Variants in OPCML observed in about 807,000 individuals in gnomAD.
OPCML encodes the protein opioid binding protein/cell adhesion molecule like, also known as opioid-binding protein/cell adhesion molecule.
A neutral mutation model predicts 37.8 loss-of-function variants in OPCML; 13 were observed. That is an observed-to-expected ratio of 0.34 (90% CI 0.22 to 0.55). The LOEUF is 0.55. Ranked by LOEUF, OPCML falls within the 20% of genes least tolerant of loss-of-function variation. The pLI, the probability that OPCML is intolerant of heterozygous loss-of-function variation, is 0.91. For missense variants in OPCML, 341 were observed against 435.6 expected (o/e 0.78, Z 1.93); for synonymous variants, 176 against 168.8 (o/e 1.04, Z -0.33).
At chr11:133,322,960 T>C (rs1943367942) in intron 1 of OPCML, among the ~76,000 whole-genome samples, 2 of 152,236 alleles carry the variant, frequency 1.3e-5, no homozygotes, top group Non-Finnish European at 2.9e-5. Context: ...AGACCTGGTA[T>C]ATACAAAATT....
At chr11:133,242,949 C>T (rs541863946) in intron 1 of OPCML, among the ~76,000 whole-genome samples, 1 of 152,166 alleles carries the variant, frequency 6.6e-6, no homozygotes, top group Admixed American at 6.5e-5. Flanking sequence ...ATAAGTCAAA[C>T]AAAATCAGGC....
At chr11:132,474,993 A>G (rs1565593386) in intron 4 of OPCML, among the ~76,000 whole-genome samples, 2 of 152,154 alleles carry the variant, frequency 1.3e-5, no homozygotes, top group Non-Finnish European at 2.9e-5. Context: ...CATTACTGGA[A>G]ATACTGCTCC....
At chr11:133,146,449 G>T (rs1398238550) in intron 1 of OPCML, among the ~76,000 whole-genome samples, 1 of 151,826 alleles carries the variant, frequency 6.6e-6, no homozygotes, top group Admixed American at 6.6e-5. Flanking sequence ...CGAGTAGCTG[G>T]GATTACAGGC....
chr11:133,129,984 A>G (rs959380246), intron 1 of OPCML, among the ~76,000 whole-genome samples: 5 of 152,132 alleles, frequency 3.3e-5, no homozygotes, highest in Non-Finnish European at 5.9e-5. Flanking sequence ...AGTCAATTAA[A>G]AAAAGCAAGA....
At chr11:133,431,071 C>T (rs141296309) in intron 1 of OPCML, among the ~76,000 whole-genome samples, 129 of 152,166 alleles carry the variant, frequency 8.5e-4, no homozygotes, top group African/African-American at 3.0e-3. Flanking sequence ...ACATCTGATG[C>T]TTAAAATTAA....
At chr11:132,752,487 C>G (rs2136072617) in intron 2 of OPCML, among the ~76,000 whole-genome samples, 1 of 152,022 alleles carries the variant, frequency 6.6e-6, no homozygotes, top group Middle Eastern at 3.4e-3. Flanking sequence ...TGTTGAGGAG[C>G]CTTGGAGAGA....
intron 1 of OPCML, among the ~76,000 whole-genome samples, chr11:133,176,664 T>C (rs1937605256): frequency 6.6e-6 from 1 of 152,198 alleles, no homozygotes; most frequent in African/African-American, 2.4e-5. Context: ...CTGCTAAGAT[T>C]ATAAGCTTCC....
chr11:132,927,078 T>C (rs1945020656), intron 2 of OPCML, among the ~76,000 whole-genome samples: 1 of 151,922 alleles, frequency 6.6e-6, no homozygotes, highest in African/African-American at 2.4e-5. Flanking sequence ...TAGACCAATA[T>C]ATGCATTATG....
At chr11:132,689,382 G>T (rs945939368) in intron 2 of OPCML, among the ~76,000 whole-genome samples, 3 of 152,258 alleles carry the variant, frequency 2.0e-5, no homozygotes, top group Non-Finnish European at 4.4e-5. Context: ...AAAGAGTAAT[G>T]GTTTTGTTCT....
chr11:132,489,259 A>G (rs2096208864), intron 4 of OPCML, among the ~76,000 whole-genome samples: 1 of 152,080 alleles, frequency 6.6e-6, no homozygotes, highest in African/African-American at 2.4e-5. Flanking sequence ...CCCCGCTGGG[A>G]GGTCTTCAGG....
At chr11:132,666,111 AG>A (rs1263427868) in intron 2 of OPCML, among the ~76,000 whole-genome samples, 1 of 152,212 alleles carries the variant, frequency 6.6e-6, no homozygotes, top group Admixed American at 6.5e-5. Context: ...CATGAGTACA[AG>A]CTGAATTAGG....
chr11:132,594,022 G>T (rs1037835144), intron 3 of OPCML, among the ~76,000 whole-genome samples: 3 of 152,124 alleles, frequency 2.0e-5, no homozygotes, highest in Non-Finnish European at 1.5e-5. Flanking sequence ...TAACAAATTT[G>T]ATTAATGCCA....
At chr11:133,082,734 C>G (rs1948752716) in intron 1 of OPCML, among the ~76,000 whole-genome samples, 1 of 145,316 alleles carries the variant, frequency 6.9e-6, no homozygotes, top group Admixed American at 6.7e-5. Flanking sequence ...CCGCTTCTCC[C>G]CCGCGGCCCG....
intron 1 of OPCML, among the ~76,000 whole-genome samples, chr11:133,039,377 C>A (rs1451725240): frequency 6.6e-6 from 1 of 152,168 alleles, no homozygotes; most frequent in Non-Finnish European, 1.5e-5. Flanking sequence ...TATTGCATTT[C>A]CCCCAAGTCC....
At chr11:133,022,105 T>G (rs2136903756) in intron 1 of OPCML, among the ~76,000 whole-genome samples, 1 of 152,352 alleles carries the variant, frequency 6.6e-6, no homozygotes, top group South Asian at 2.1e-4. Flanking sequence ...CCTGAGGAAC[T>G]CACCATGTGA....
chr11:133,220,989 T>G (rs1939794360), intron 1 of OPCML, among the ~76,000 whole-genome samples: 1 of 152,222 alleles, frequency 6.6e-6, no homozygotes, highest in Non-Finnish European at 1.5e-5. Context: ...TTGTCGGAAA[T>G]GAAAATCTAA....
chr11:132,699,458 T>C (rs1301233908), intron 2 of OPCML, among the ~76,000 whole-genome samples: 1 of 152,136 alleles, frequency 6.6e-6, no homozygotes, highest in Non-Finnish European at 1.5e-5. Flanking sequence ...ATCTCTTTAC[T>C]ATAGAATATG....
At chr11:133,034,385 G>T (rs554020163) in intron 1 of OPCML, among the ~76,000 whole-genome samples, 67 of 151,750 alleles carry the variant, frequency 4.4e-4, no homozygotes, top group Non-Finnish European at 6.9e-4. Context: ...GCATGCAAGT[G>T]CTGTATATGA....
chr11:133,117,902 C>T (rs1592017987), intron 1 of OPCML: 1 of 985,190 alleles, frequency 1.0e-6, no homozygotes, highest in Non-Finnish European at 1.2e-6. Context: ...ATGAAGTCTT[C>T]AAATAATATT....
Sources: gnomAD v4.1 joint callset for allele counts (sites outside exome capture counted in the v4.1 genomes callset) on GRCh38, gnomAD v4.1.1 for gene constraint, MANE v1.5 for transcripts, NCBI Gene and HGNC (gene_info 2026-07-23, HGNC 2026-07-21) for gene names.